The following ADAMTS19 variants were observed in gnomAD, a reference collection of about 807,000 sequenced individuals.
ADAMTS19 encodes the protein ADAM metallopeptidase with thrombospondin type 1 motif 19.
In ADAMTS19, 93 loss-of-function variants were observed where a neutral mutation model predicts 153.3. The observed-to-expected ratio is 0.61, with a 90% CI of 0.51 to 0.72. The LOEUF (loss-of-function observed/expected upper bound fraction) is 0.72, where lower values mean the gene tolerates loss of function less well. Among genes scored for constraint, ADAMTS19 ranks in the 30% least tolerant of loss-of-function variants. The pLI is 0.00. For missense variants in ADAMTS19, 1,482 were observed against 1,552.1 expected (o/e 0.95, Z 0.76); for synonymous variants, 600 against 556.6 (o/e 1.08, Z -1.10).
At position 129,723,304 on chromosome 5, in the gene ADAMTS19, A is replaced by G. The variant is rs1310043346; in HGVS notation, c.3313-11628A>G. Among the ~76,000 whole-genome samples the G allele has an allele frequency of 9.2e-5, 14 of 152,340 alleles. No homozygotes were observed. The South Asian group carries it at 2.9e-3, about 32-fold the overall frequency. ...AGTTTATTTAGATTAAATTATTTTC[A>G]GGTAAAATAAAGTCATTCGGCTCTT... On this transcript the variant is annotated intron_variant, in intron 21 of 22. Coordinates refer to ENST00000274487, the MANE Select transcript of ADAMTS19 (RefSeq NM_133638.6).
chr5:129,547,498 A>G (rs1477684581), intron 6 of ADAMTS19, among the ~76,000 whole-genome samples: 1 of 150,798 alleles, frequency 6.6e-6, no homozygotes, highest in African/African-American at 2.5e-5. Context: ...GGAATCATAC[A>G]TCAACCACAA....
chr5:129,515,746 A>G (rs1751581567), intron 3 of ADAMTS19, among the ~76,000 whole-genome samples: 1 of 151,940 alleles, frequency 6.6e-6, no homozygotes. Flanking sequence ...GGATAATTTG[A>G]CTTCTTCCTT....
In ADAMTS19 at chr5:129,517,431, T is replaced by A. The variant is rs888098936; in HGVS notation, c.913+8189T>A. ...TTGTGGCCTATTCTCTCTCAATAGC[T>A]CTAATAATGTTTTCTTTCTTTATAT... On this transcript the variant is annotated intron_variant, in intron 3 of 22. Coordinates refer to ENST00000274487, the MANE Select transcript of ADAMTS19 (RefSeq NM_133638.6). Among the ~76,000 whole-genome samples the A allele has an allele frequency of 2.6e-5, 4 of 152,080 alleles. No homozygotes were observed. In the South Asian group the frequency reaches 8.3e-4, roughly 32 times the overall value.
chr5:129,612,062 T>G lies in ADAMTS19; in HGVS notation c.1479-8556T>G, dbSNP rs994043449. ...TATGTATACATGTGCCATGTTGGTGTGCTACACCCATTAACTCATCATTTA... is the reference window on the plus strand; with the variant it reads ...TATGTATACATGTGCCATGTTGGTGGGCTACACCCATTAACTCATCATTTA... On this transcript the variant is annotated intron_variant, in intron 8 of 22. Coordinates refer to ENST00000274487, the MANE Select transcript of ADAMTS19 (RefSeq NM_133638.6). Among the ~76,000 whole-genome samples the G allele has an allele frequency of 7.2e-5, 11 of 151,986 alleles. No individual in the cohort carries two copies. The East Asian group carries it at 1.7e-3, about 24-fold the overall frequency.
At position 129,720,167 on chromosome 5, in the gene ADAMTS19, TA is replaced by T. The variant is rs200457684; in HGVS notation, c.3313-14764del. On this transcript the variant is annotated intron_variant, in intron 21 of 22. Coordinates refer to ENST00000274487, the MANE Select transcript of ADAMTS19 (RefSeq NM_133638.6). ...GTGTATGTATATATATATATATATA[TA>T]TATTTATTTTTTTTTTTTTTGGAGA... Among the ~76,000 whole-genome samples the T allele has an allele frequency of 5.9e-4, 83 of 140,858 alleles. 1 individual carries two copies. The highest frequency in any genetic ancestry group is 8.3e-4 in the Admixed American group (12 of 14,516). 92.4% of individuals were successfully genotyped at this position (140,858 alleles called of 152,430 possible). A position where few individuals can be genotyped will look rare whatever the true frequency, so the allele number is the denominator to read the frequency against.
At chr5:129,578,939 T>A (rs142074930) in intron 7 of ADAMTS19, among the ~76,000 whole-genome samples, 5,926 of 152,246 alleles carry the variant, frequency 0.039, 360 homozygotes, top group African/African-American at 0.13. Flanking sequence ...TGATTTATAA[T>A]CCTTTGGGTA....
Position 129,509,252 on chromosome 5 carries a change from T to G in ADAMTS19, c.913+10T>G. 6.2e-7 allele frequency: 1 copy of G among 1,605,400 alleles called. No homozygotes were observed. The highest frequency in any genetic ancestry group is 8.5e-7 in the Non-Finnish European group (1 of 1,176,048). Reference sequence around the variant, plus strand: ...TGTGGTATCATTTCAGGTAAATGCCTTCTCCTGAAAGAGTTTTAAGTAAAT... The same window carrying G: ...TGTGGTATCATTTCAGGTAAATGCCGTCTCCTGAAAGAGTTTTAAGTAAAT... On this transcript the variant is annotated intron_variant, in intron 3 of 22. Transcript: ENST00000274487.
intron 10 of ADAMTS19, among the ~76,000 whole-genome samples, chr5:129,638,365 A>G (rs1454878965): frequency 1.3e-5 from 2 of 152,118 alleles, no homozygotes; most frequent in African/African-American, 2.4e-5. Context: ...GTGTATTGGC[A>G]TAGACTTAAT....
intron 19 of ADAMTS19, among the ~76,000 whole-genome samples, chr5:129,698,924 C>T (rs1004602179): frequency 1.3e-5 from 2 of 152,086 alleles, no homozygotes; most frequent in African/African-American, 4.8e-5. Flanking sequence ...AAAAAATAAC[C>T]TTGTAAAGCC....
At chr5:129,652,860 G>A (rs549934063) in intron 13 of ADAMTS19, among the ~76,000 whole-genome samples, 1 of 152,226 alleles carries the variant, frequency 6.6e-6, no homozygotes, top group East Asian at 1.9e-4. Flanking sequence ...TATAGCAGCT[G>A]TTTTTAAGTT....
chr5:129,671,868 G>A (rs997369669), intron 16 of ADAMTS19, among the ~76,000 whole-genome samples: 9 of 151,826 alleles, frequency 5.9e-5, no homozygotes, highest in African/African-American at 1.7e-4. Flanking sequence ...TACCTTCCAC[G>A]CAGTTTTGTA....
chr5:129,479,138 G>A (rs1026779803), intron 2 of ADAMTS19, among the ~76,000 whole-genome samples: 4 of 152,052 alleles, frequency 2.6e-5, no homozygotes, highest in Admixed American at 6.6e-5. Context: ...ATTTAAAGCC[G>A]TATGTGTGTG....
chr5:129,613,024 C>T (rs945427821), intron 8 of ADAMTS19, among the ~76,000 whole-genome samples: 27 of 152,062 alleles, frequency 1.8e-4, no homozygotes, highest in African/African-American at 6.5e-4. Flanking sequence ...CAGGAGCACC[C>T]GGATTCATAA....
In ADAMTS19 at chr5:129,558,801, A is replaced by G. The variant is rs149226483; in HGVS notation, c.1372+6894A>G. On this transcript the variant is annotated intron_variant, in intron 7 of 22. Coordinates refer to ENST00000274487, the MANE Select transcript of ADAMTS19 (RefSeq NM_133638.6). ...TGCCTGTATTTGGAAATTGATGTAT[A>G]CTGCAGATCACTGGGTAAGGCATAG... 5.1e-3 allele frequency among the ~76,000 whole-genome samples: 781 copies of G among 152,208 alleles called. 7 individuals are homozygous for G. The highest frequency in any genetic ancestry group is 0.017 in the African/African-American group (693 of 41,554).
chr5:129,615,789 T>C (rs533564694), intron 8 of ADAMTS19, among the ~76,000 whole-genome samples: 1 of 151,914 alleles, frequency 6.6e-6, no homozygotes, highest in Non-Finnish European at 1.5e-5. Context: ...GATAAGTAAG[T>C]AGTAGAGGTT....
chr5:129,608,761 TG>T (rs1231316841), intron 8 of ADAMTS19, among the ~76,000 whole-genome samples: 2 of 150,236 alleles, frequency 1.3e-5, no homozygotes, highest in African/African-American at 4.9e-5. Context: ...ACCTGAGAAT[TG>T]CTCAAACCTG....
At chr5:129,733,658 G>A (rs2127224707) in intron 21 of ADAMTS19, among the ~76,000 whole-genome samples, 1 of 152,102 alleles carries the variant, frequency 6.6e-6, no homozygotes, top group Admixed American at 6.6e-5. Flanking sequence ...AAAAACAACA[G>A]ATGTTGGTGA....
At chr5:129,711,750 G>C (rs1180272697) in intron 21 of ADAMTS19, among the ~76,000 whole-genome samples, 2 of 152,060 alleles carry the variant, frequency 1.3e-5, no homozygotes, top group African/African-American at 4.8e-5. Context: ...CCTTGGGGAT[G>C]TGGTCTCTAT....
rs1309115957 is a variant in ADAMTS19, at chr5:129,522,332, C to CACACATATATAT, written c.914-3951_914-3950insCACATATATATA. Among the ~76,000 whole-genome samples, 347 of 58,546 alleles carry CACACATATATAT rather than the reference C, an allele frequency of 5.9e-3. 5 individuals carry two copies. The highest frequency in any genetic ancestry group is 8.1e-3 in the African/African-American group (91 of 11,218). The allele number at this position is 58,546 out of a possible 152,430, so 38.4% of individuals were successfully genotyped here. ...ATATATATATACACACACACACACA[C>CACACATATATAT]ATATATATATATATATATATATATA... On this transcript the variant is annotated intron_variant, in intron 3 of 22. Coordinates refer to ENST00000274487, the MANE Select transcript of ADAMTS19 (RefSeq NM_133638.6).
Sources: allele counts gnomAD v4.1 joint callset (sites outside exome capture counted in the v4.1 genomes callset), GRCh38; gene constraint gnomAD v4.1.1; transcripts MANE v1.5; gene names NCBI Gene and HGNC (gene_info 2026-07-23, HGNC 2026-07-21).